The following ANKMY1 variants were observed in gnomAD, a reference collection of about 807,000 sequenced individuals.
The protein encoded by ANKMY1 is ankyrin repeat and MYND domain containing 1, also known as ankyrin repeat and MYND domain-containing protein 1.
In ANKMY1, 98 loss-of-function variants were observed where a neutral mutation model predicts 102.0. The observed-to-expected ratio is 0.96, with a 90% confidence interval of 0.82 to 1.14. The LOEUF (loss-of-function observed/expected upper bound fraction) is 1.14, where lower values mean the gene tolerates loss of function less well. Among genes scored for constraint, ANKMY1 ranks in the 50% most tolerant of loss-of-function variants. ANKMY1 has a pLI of 0.00. For missense variants in ANKMY1, 1,330 were observed against 1,347.6 expected (o/e 0.99, Z 0.20); for synonymous variants, 582 against 559.9 (o/e 1.04, Z -0.56).
At chr2:240,518,905 A>C (rs2081638241) in intron 9 of ANKMY1, among the ~76,000 whole-genome samples, 1 of 152,142 alleles carries the variant, frequency 6.6e-6, no homozygotes, top group African/African-American at 2.4e-5. Flanking sequence ...CTGTGCACTA[A>C]GGGGCCTGGA....
At position 240,526,413 on chromosome 2, in the gene ANKMY1, C is replaced by G; in HGVS notation, c.986G>C (p.Gly329Ala). The G allele has an allele frequency of 6.2e-7, 1 of 1,614,194 alleles. No individual in the cohort carries two copies. The highest frequency in any genetic ancestry group is 8.5e-7 in the Non-Finnish European group (1 of 1,180,042). ...NKPAHTSWNM[G>A]AILEGKRSGF... The stretch of plus-strand genomic sequence containing the variant: ...ACTGCGCTTCCCCTCCAGGATGGCG[C>G]CCATGTTCCAGCTGGTGTGAGCTGG... The change falls in exon 6 of 18, where the codon GGC (glycine) becomes GCC (alanine). Residue 329 changes from glycine (G) to alanine (A), a missense_variant. Transcript: ENST00000401804.
At chr2:240,523,668 A>G in intron 8 of ANKMY1, 1 of 744,412 alleles carries the variant, frequency 1.3e-6, no homozygotes, top group East Asian at 2.8e-5. Context: ...GCACCCCCAC[A>G]GGGCTGGGGT....
intron 12 of ANKMY1, 135 bp downstream of exon 12, chr2:240,509,213 G>T: frequency 1.5e-6 from 1 of 679,350 alleles, no homozygotes; most frequent in Non-Finnish European, 2.4e-6. Flanking sequence ...GAGTGGATGG[G>T]TGGATGGATG....
upstream of ANKMY1, among the ~76,000 whole-genome samples, chr2:240,558,972 A>C (rs1413257741): frequency 6.6e-6 from 1 of 152,244 alleles, no homozygotes; most frequent in Admixed American, 6.5e-5. Flanking sequence ...AATGCTGATC[A>C]TGACCCACAG....
chr2:240,480,798 G>T (rs1264412741), intron 17 of ANKMY1, 139 bp downstream of exon 17: 5 of 1,263,372 alleles, frequency 4.0e-6, no homozygotes, highest in Non-Finnish European at 5.4e-6. Flanking sequence ...CCAACAGGCC[G>T]ATCTGGAAAT....
intron 4 of ANKMY1, among the ~76,000 whole-genome samples, chr2:240,552,473 A>G (rs2091686549): frequency 6.6e-6 from 1 of 152,238 alleles, no homozygotes; most frequent in Non-Finnish European, 1.5e-5. Flanking sequence ...TGACTACAGT[A>G]GTAGTTACAC....
intron 3 of ANKMY1, 84 bp downstream of exon 3, chr2:240,554,782 T>G: frequency 2.7e-6 from 4 of 1,504,468 alleles, no homozygotes; most frequent in Non-Finnish European, 3.6e-6. Flanking sequence ...GCCTAAAAGT[T>G]CCCGTCCCAT....
chr2:240,539,327 G>A (rs976299468), intron 4 of ANKMY1, among the ~76,000 whole-genome samples: 2 of 151,422 alleles, frequency 1.3e-5, no homozygotes, highest in Admixed American at 6.6e-5. Flanking sequence ...CGGACCGGAG[G>A]AACGAGCAAC....
upstream of ANKMY1, chr2:240,560,889 C>A: frequency 6.6e-7 from 1 of 1,514,980 alleles, no homozygotes; most frequent in East Asian, 2.7e-5. Flanking sequence ...GCTGCGCGTG[C>A]CCGTGTTCGA....
intron 4 of ANKMY1, among the ~76,000 whole-genome samples, chr2:240,546,289 A>T (rs1266081502): frequency 6.6e-6 from 1 of 150,410 alleles, no homozygotes; most frequent in Non-Finnish European, 1.5e-5. Context: ...GAAATAAAAT[A>T]CTTTACAGAC....
chr2:240,542,766 A>C (rs1408596489), intron 4 of ANKMY1, among the ~76,000 whole-genome samples: 2 of 149,368 alleles, frequency 1.3e-5, no homozygotes, highest in Non-Finnish European at 3.0e-5. Context: ...TTATAGGTTG[A>C]GTCTACCAAG....
At chr2:240,539,597 C>T (rs2088052057) in intron 4 of ANKMY1, among the ~76,000 whole-genome samples, 1 of 152,212 alleles carries the variant, frequency 6.6e-6, no homozygotes, top group Admixed American at 6.5e-5. Flanking sequence ...TTGCCAAACA[C>T]TGGAAACAAC....
chr2:240,557,999 G>A (rs1300466438), upstream of ANKMY1: 1 of 984,852 alleles, frequency 1.0e-6, no homozygotes, highest in Non-Finnish European at 1.2e-6. Context: ...GGAGAGCGTC[G>A]CGTTTCCCTG....
chr2:240,494,143 C>T (rs1475452393), intron 15 of ANKMY1, among the ~76,000 whole-genome samples: 1 of 152,032 alleles, frequency 6.6e-6, no homozygotes, highest in African/African-American at 2.4e-5. Context: ...CTCAGGCCCC[C>T]CACTGGTGAA....
In ANKMY1 at chr2:240,529,729, T is replaced by C. The variant is rs866359964; in HGVS notation, c.481-220A>G. 5.3e-5 allele frequency among the ~76,000 whole-genome samples: 8 copies of C among 151,748 alleles called. No homozygotes were observed. Among genetic ancestry groups the C allele is most frequent in the Middle Eastern group, 3.4e-3 (1 of 294 alleles). On this transcript the variant is annotated intron_variant, in intron 4 of 17. Transcript: ENST00000401804. The surrounding 1 kb of genome is among the most constrained non-coding windows in gnomAD (Gnocchi z 4.2). Reference sequence around the variant, plus strand: ...GAAGGAGGGCACTCCAGAGAGTGCATGGAGGGGCAAGGGGGCAGCCAGGGA... The same window carrying C: ...GAAGGAGGGCACTCCAGAGAGTGCACGGAGGGGCAAGGGGGCAGCCAGGGA...
intron 15 of ANKMY1, among the ~76,000 whole-genome samples, chr2:240,492,020 T>A (rs1042429398): frequency 6.6e-6 from 1 of 152,190 alleles, no homozygotes; most frequent in Admixed American, 6.5e-5. Flanking sequence ...AAAAACTGAT[T>A]TATTTTTAGA....
chr2:240,503,720 GT>G (rs2078601289), intron 13 of ANKMY1, among the ~76,000 whole-genome samples: 1 of 152,344 alleles, frequency 6.6e-6, no homozygotes, highest in East Asian at 1.9e-4. Context: ...CCGAAGCCAT[GT>G]GTGGTGGGTT....
intron 13 of ANKMY1, among the ~76,000 whole-genome samples, chr2:240,501,659 G>C (rs1039220051): frequency 6.6e-6 from 1 of 152,230 alleles, no homozygotes; most frequent in Non-Finnish European, 1.5e-5. Context: ...AAACACTGGA[G>C]CCCTGCATTC....
Position 240,554,926 on chromosome 2 carries a change from C to G in ANKMY1, c.276G>C (p.Gln92His). The G allele has an allele frequency of 6.2e-7, 1 of 1,614,210 alleles. No homozygotes were observed. Among genetic ancestry groups the G allele is most frequent in the Non-Finnish European group, 8.5e-7 (1 of 1,180,036 alleles). ...VQEWQDGCMY[Q>H]GEFGLNMKLG... Reference sequence around the variant, plus strand: ...GCTTCATGTTCAACCCAAACTCCCCCTGGTACATGCAACCATCCTGCCACT... The same window carrying G: ...GCTTCATGTTCAACCCAAACTCCCCGTGGTACATGCAACCATCCTGCCACT... The change falls in exon 3 of 18, where the codon CAG (glutamine) becomes CAC (histidine). Residue 92 changes from glutamine (Q) to histidine (H), a missense_variant. Physicochemically the swap from Gln to His is conservative, Grantham distance 24. Coordinates refer to ENST00000401804, the MANE Select transcript of ANKMY1 (RefSeq NM_001282771.3).
Sources: gnomAD v4.1 joint callset for allele counts (sites outside exome capture counted in the v4.1 genomes callset) on GRCh38, gnomAD v4.1.1 for gene constraint, Gnocchi (gnomAD v3.1) non-coding constraint, MANE v1.5 for transcripts, NCBI Gene and HGNC (gene_info 2026-07-23, HGNC 2026-07-21) for gene names.